The following SORCS3 variants were observed in gnomAD, a reference collection of about 807,000 sequenced individuals.
The protein encoded by SORCS3 is sortilin related VPS10 domain containing receptor 3.
Under a neutral mutation model 146.3 loss-of-function variants are expected in SORCS3, and 57 were observed. The observed-to-expected ratio is 0.39, with a 90% CI of 0.31 to 0.49. The LOEUF (loss-of-function observed/expected upper bound fraction) is 0.49, where lower values mean the gene tolerates loss of function less well. Ranked by LOEUF, SORCS3 falls within the 20% of genes least tolerant of loss-of-function variation. SORCS3 has a pLI of 0.92. For missense variants in SORCS3, 1,341 were observed against 1,575.5 expected (o/e 0.85, Z 2.52); for synonymous variants, 653 against 618.5 (o/e 1.06, Z -0.83).
chr10:104,911,980 G>C (rs907680550), intron 2 of SORCS3, among the ~76,000 whole-genome samples: 3 of 152,144 alleles, frequency 2.0e-5, no homozygotes, highest in Non-Finnish European at 4.4e-5. Flanking sequence ...TCCCCTGTTA[G>C]CAATTTTTCA....
intron 5 of SORCS3, among the ~76,000 whole-genome samples, chr10:105,077,684 A>T (rs548043991): frequency 6.6e-6 from 1 of 152,262 alleles, no homozygotes; most frequent in East Asian, 1.9e-4. Flanking sequence ...TCGCTCTTCT[A>T]TCTGGAAGAC....
chr10:105,181,591 C>G (rs2119569269), intron 14 of SORCS3, among the ~76,000 whole-genome samples: 1 of 152,300 alleles, frequency 6.6e-6, no homozygotes, highest in East Asian at 1.9e-4. Context: ...ACATGGGAGA[C>G]AGTCCCCAGA....
chr10:104,785,215 C>T (rs1162871353), intron 1 of SORCS3, among the ~76,000 whole-genome samples: 2 of 150,482 alleles, frequency 1.3e-5, no homozygotes, highest in Non-Finnish European at 3.0e-5. Context: ...ACATGGGAGA[C>T]TTTTCATTTT....
intron 14 of SORCS3, among the ~76,000 whole-genome samples, chr10:105,192,559 A>G (rs899504028): frequency 6.6e-6 from 1 of 152,152 alleles, no homozygotes; most frequent in South Asian, 2.1e-4. Flanking sequence ...AGTTGCAGGC[A>G]CTGGAGTCTC....
At chr10:105,033,012 T>C (rs2055280308) in intron 4 of SORCS3, among the ~76,000 whole-genome samples, 1 of 152,192 alleles carries the variant, frequency 6.6e-6, no homozygotes, top group Admixed American at 6.6e-5. Context: ...GAATAAAATC[T>C]GATTGCAGAG....
At chr10:104,733,386 C>T (rs2016730370) in intron 1 of SORCS3, among the ~76,000 whole-genome samples, 1 of 152,082 alleles carries the variant, frequency 6.6e-6, no homozygotes, top group Non-Finnish European at 1.5e-5. Flanking sequence ...GGGTCTTGCT[C>T]TTGCCCAGAC....
intron 4 of SORCS3, among the ~76,000 whole-genome samples, chr10:105,011,847 C>T (rs913791144): frequency 1.3e-5 from 2 of 152,072 alleles, no homozygotes; most frequent in African/African-American, 4.8e-5. Context: ...AACCAGAAAC[C>T]CTTCCCATTG....
At chr10:105,115,567 A>C (rs1257642538) in intron 7 of SORCS3, among the ~76,000 whole-genome samples, 1 of 152,206 alleles carries the variant, frequency 6.6e-6, no homozygotes, top group Non-Finnish European at 1.5e-5. Context: ...TTTGATAACC[A>C]ACTTTTAATG....
chr10:104,887,656 T>C (rs950190349), intron 2 of SORCS3, among the ~76,000 whole-genome samples: 1 of 152,022 alleles, frequency 6.6e-6, no homozygotes, highest in Non-Finnish European at 1.5e-5. Context: ...CCCCAAGTGG[T>C]GATGTTGGTG....
At chr10:104,671,542 A>C (rs1057366339) in intron 1 of SORCS3, among the ~76,000 whole-genome samples, 2 of 150,616 alleles carry the variant, frequency 1.3e-5, no homozygotes, top group African/African-American at 4.9e-5. Flanking sequence ...ATGAGGTCTT[A>C]CTATATTGCC....
chr10:104,925,525 A>G (rs2019136005), intron 3 of SORCS3, among the ~76,000 whole-genome samples: 1 of 152,246 alleles, frequency 6.6e-6, no homozygotes, highest in South Asian at 2.1e-4. Context: ...TGTGAATCCC[A>G]TCAATTCAGC....
chr10:104,970,195 G>A (rs1249665535), intron 3 of SORCS3, among the ~76,000 whole-genome samples: 7 of 152,188 alleles, frequency 4.6e-5, no homozygotes, highest in African/African-American at 1.4e-4. Flanking sequence ...CACCCAGGCT[G>A]GAGTGCAGTG....
chr10:104,978,276 C>T (rs886690331), intron 4 of SORCS3, among the ~76,000 whole-genome samples: 15 of 152,220 alleles, frequency 9.9e-5, no homozygotes, highest in African/African-American at 3.6e-4. Flanking sequence ...TGGAATATAC[C>T]ATTGCTCTTA....
At chr10:104,987,083 T>A (rs2054966507) in intron 4 of SORCS3, among the ~76,000 whole-genome samples, 1 of 152,054 alleles carries the variant, frequency 6.6e-6, no homozygotes, top group South Asian at 2.1e-4. Flanking sequence ...ATATTACATA[T>A]ATAAATATAT....
intron 1 of SORCS3, among the ~76,000 whole-genome samples, chr10:104,646,531 G>GCAA (rs2015497530): frequency 6.6e-6 from 1 of 152,182 alleles, no homozygotes; most frequent in Admixed American, 6.5e-5. Context: ...GCAGAGAGGT[G>GCAA]CAACAAAGCA....
intron 7 of SORCS3, among the ~76,000 whole-genome samples, chr10:105,133,978 A>G (rs1177909824): frequency 6.6e-6 from 1 of 152,204 alleles, no homozygotes; most frequent in African/African-American, 2.4e-5. Flanking sequence ...ATTTAAAAAT[A>G]CAGCCCGAGT....
intron 2 of SORCS3, among the ~76,000 whole-genome samples, chr10:104,888,106 A>T (rs1041112700): frequency 6.6e-6 from 1 of 152,158 alleles, no homozygotes; most frequent in African/African-American, 2.4e-5. Context: ...TGCTTGCAGC[A>T]TTGAGACATC....
rs2015657328 is a variant in SORCS3 at position 104,658,298 on chromosome 10, G to T, written c.627+16344G>T. 4.6e-5 allele frequency among the ~76,000 whole-genome samples: 7 copies of T among 152,186 alleles called. No individual in the cohort carries two copies. The South Asian group carries it at 1.5e-3, about 32-fold the overall frequency. The stretch of plus-strand genomic sequence containing the variant: ...TCCATGTGTTTTTTTCAGGAGCTGA[G>T]ATGAGGAGAGAAAAATAGCAGAGAG... On this transcript the variant is annotated intron_variant, in intron 1 of 26. Coordinates refer to ENST00000369701, the MANE Select transcript of SORCS3 (RefSeq NM_014978.3).
At chr10:104,819,610 C>G (rs116216177) in intron 1 of SORCS3, among the ~76,000 whole-genome samples, 234 of 152,324 alleles carry the variant, frequency 1.5e-3, no homozygotes, top group African/African-American at 5.5e-3. Flanking sequence ...CCAATACTAT[C>G]CACTTGGACC....
Sources: gnomAD v4.1 joint callset for allele counts (sites outside exome capture counted in the v4.1 genomes callset) on GRCh38, gnomAD v4.1.1 for gene constraint, MANE v1.5 for transcripts, NCBI Gene and HGNC (gene_info 2026-07-23, HGNC 2026-07-21) for gene names.